GLUD1: variants seen among roughly 807,000 people sequenced by gnomAD.
GLUD1 encodes glutamate dehydrogenase 1.
In GLUD1, 22 loss-of-function variants were observed where a neutral mutation model predicts 56.0. The ratio of observed to expected loss-of-function variants is 0.39; its 90% CI spans 0.28 to 0.56. The LOEUF is 0.56. Among genes scored for constraint, GLUD1 ranks in the 20% least tolerant of loss-of-function variants. The probability of loss-of-function intolerance (pLI) is 0.58; values close to 1 mark genes in which losing one functional copy is unlikely to be tolerated. For missense variants in GLUD1, 451 were observed against 732.0 expected, an observed-to-expected ratio of 0.62 and a Z score of 4.43; for synonymous variants, 223 against 269.9, an observed-to-expected ratio of 0.83 and a Z score of 1.70.
chr10:87,064,225 A>G (rs1018238190), intron 5 of GLUD1, among the ~76,000 whole-genome samples: 27 of 152,178 alleles, frequency 1.8e-4, no homozygotes, highest in African/African-American at 5.8e-4. Context: ...TCCTCTTTCA[A>G]TTGAAGATGT....
chr10:87,067,872 A>G (rs1231349094), intron 5 of GLUD1, 191 bp downstream of exon 5: 1 of 580,812 alleles, frequency 1.7e-6, no homozygotes, highest in East Asian at 3.3e-5. Flanking sequence ...AGGGCAGCAT[A>G]TAAGTAAAGC....
intron 11 of GLUD1, among the ~76,000 whole-genome samples, chr10:87,055,843 C>T (rs777302955): frequency 7.2e-5 from 11 of 152,068 alleles, no homozygotes; most frequent in Admixed American, 2.6e-4. Context: ...CGGCCGGGCG[C>T]GGTGGCTCAC....
chr10:87,063,208 G>T (rs1383150516), intron 5 of GLUD1, among the ~76,000 whole-genome samples: 1 of 152,054 alleles, frequency 6.6e-6, no homozygotes, highest in Non-Finnish European at 1.5e-5. Context: ...TGAGTAGCTG[G>T]TATTCCAGGC....
intron 11 of GLUD1, among the ~76,000 whole-genome samples, chr10:87,054,906 A>G (rs1414383000): frequency 6.6e-6 from 1 of 152,232 alleles, no homozygotes; most frequent in Non-Finnish European, 1.5e-5. Context: ...AAGAGAGATG[A>G]CACAGGACTG....
chr10:87,090,866 C>T (rs1292824963), intron 1 of GLUD1, among the ~76,000 whole-genome samples: 1 of 152,088 alleles, frequency 6.6e-6, no homozygotes, highest in Non-Finnish European at 1.5e-5. Context: ...CATTTTTTCC[C>T]CCAGTGAAGG....
Position 87,094,781 on chromosome 10 carries a change from G to T in GLUD1, c.-12C>A. ...AGGTAGCGGTACATGGCCACAAGCG[G>T]AGGGGAGGTGCGTGATGGTCGCGAA... is the stretch of plus-strand genomic sequence containing the variant. On this transcript the variant is annotated 5_prime_UTR_variant, in exon 1 of 13. Transcript: ENST00000277865. This position sits in a 1 kb window ranked among gnomAD's most constrained non-coding sequence, Gnocchi z 6.6. The T allele has an allele frequency of 6.5e-7, 1 of 1,530,540 alleles. No homozygotes were observed. The highest frequency in any genetic ancestry group is 2.1e-4 in the Middle Eastern group (1 of 4,836). The allele number at this position is 1,530,540 out of a possible 1,614,324, so 94.8% of individuals were successfully genotyped here. A position where few individuals can be genotyped will look rare whatever the true frequency, so the allele number is the denominator to read the frequency against.
chr10:87,075,893 AAC>A, intron 3 of GLUD1, 73 bp downstream of exon 3: 1 of 1,028,826 alleles, frequency 9.7e-7, no homozygotes, highest in South Asian at 1.3e-5. Flanking sequence ...CGGCCTGAAC[AAC>A]AGAGGAAGAC....
intron 4 of GLUD1, among the ~76,000 whole-genome samples, chr10:87,070,402 C>T (rs1564771418): frequency 6.6e-6 from 1 of 152,060 alleles, no homozygotes; most frequent in Non-Finnish European, 1.5e-5. Context: ...AGAGAGAGAC[C>T]ATCCTGGCCA....
intron 5 of GLUD1, 166 bp downstream of exon 5, chr10:87,067,897 T>C: frequency 3.2e-6 from 2 of 632,366 alleles, no homozygotes; most frequent in Non-Finnish European, 5.8e-6. Context: ...TCTGTGTTCA[T>C]TACGATTTAA....
intron 9 of GLUD1, 126 bp downstream of exon 9, chr10:87,060,035 C>A: frequency 1.4e-6 from 1 of 718,960 alleles, no homozygotes; most frequent in Non-Finnish European, 2.5e-6. Context: ...TATATTTTCT[C>A]AAAAGTGAAA....
chr10:87,093,696 A>AT (rs1170249387), intron 1 of GLUD1, among the ~76,000 whole-genome samples: 3 of 152,082 alleles, frequency 2.0e-5, no homozygotes, highest in Admixed American at 6.6e-5. Context: ...ATTGCTTGTG[A>AT]TTTTTTTGTG....
At chr10:87,061,198 G>A (rs2133796407) in intron 6 of GLUD1, 146 bp from the exon 7 acceptor site, 1 of 821,014 alleles carries the variant, frequency 1.2e-6, no homozygotes, top group South Asian at 1.4e-5. Context: ...TGTACTAACT[G>A]GTTTCTCTTC....
In GLUD1 at chr10:87,094,665, TC is replaced by T; in HGVS notation, c.104del (p.Gly35AspfsTer55). 2.6e-6 allele frequency: 4 copies of T among 1,566,246 alleles called. No homozygotes were observed. Among genetic ancestry groups the T allele is most frequent in the Non-Finnish European group, 3.5e-6 (4 of 1,156,306 alleles). On this transcript the variant is annotated frameshift_variant, in exon 1 of 13. Coordinates refer to ENST00000277865, the MANE Select transcript of GLUD1 (RefSeq NM_005271.5). LOFTEE classifies it high-confidence loss of function. The surrounding 1 kb of genome is among the most constrained non-coding windows in gnomAD (Gnocchi z 6.6). The part of the protein sequence containing the change: ...DSAALLGWAR[G>X]QPAAAPQPGL... ...CCGGCTGCGGGGCGGCGGCGGGCTG[TC>T]CCCGGGCCCAGCCCAGCAACGCGGC...
intron 10 of GLUD1, 134 bp downstream of exon 10, chr10:87,059,016 T>C: frequency 9.4e-7 from 1 of 1,060,558 alleles, no homozygotes; most frequent in Non-Finnish European, 1.5e-6. Flanking sequence ...CTAAGTTTCA[T>C]GAGACAAAAT....
chr10:87,073,374 G>A (rs1043730321), intron 4 of GLUD1, among the ~76,000 whole-genome samples: 26 of 151,908 alleles, frequency 1.7e-4, no homozygotes, highest in Non-Finnish European at 2.5e-4. Context: ...GGGTGGTCTC[G>A]AACTTCTGGG....
At chr10:87,089,650 C>G (rs774489076) in intron 1 of GLUD1, 1 of 984,692 alleles carries the variant, frequency 1.0e-6, no homozygotes, top group African/African-American at 1.7e-5. Flanking sequence ...TAAAGATAAT[C>G]GGAAGGTCTT....
At chr10:87,069,910 C>G (rs1348995244) in intron 4 of GLUD1, among the ~76,000 whole-genome samples, 1 of 152,178 alleles carries the variant, frequency 6.6e-6, no homozygotes, top group Non-Finnish European at 1.5e-5. Context: ...ATCCCCACTG[C>G]ACTTGGAAAG....
chr10:87,089,397 C>T (rs1165897100), intron 1 of GLUD1, among the ~76,000 whole-genome samples: 2 of 152,224 alleles, frequency 1.3e-5, no homozygotes, highest in Middle Eastern at 3.2e-3. Context: ...ATTTGGAAAT[C>T]AGGGACAACA....
chr10:87,081,946 CAAAA>C (rs71019464), intron 1 of GLUD1, among the ~76,000 whole-genome samples: 1 of 85,668 alleles, frequency 1.2e-5, no homozygotes, highest in Admixed American at 1.3e-4. Flanking sequence ...ATGATCAATA[CAAAA>C]AAAAAAAAAA....
Sources: gnomAD v4.1 joint callset for allele counts (sites outside exome capture counted in the v4.1 genomes callset) on GRCh38, gnomAD v4.1.1 for gene constraint, Gnocchi (gnomAD v3.1) non-coding constraint, MANE v1.5 for transcripts, NCBI Gene and HGNC (gene_info 2026-07-23, HGNC 2026-07-21) for gene names.